Variants in PLXND1 observed in about 807,000 individuals in gnomAD.
PLXND1 encodes plexin-D1.
A neutral mutation model predicts 197.7 loss-of-function variants in PLXND1; 54 were observed. The ratio of observed to expected loss-of-function variants is 0.27; its 90% CI spans 0.22 to 0.34. PLXND1 has a LOEUF of 0.34. Among genes scored for constraint, PLXND1 ranks in the 10% least tolerant of loss-of-function variants. PLXND1 has a pLI of 1.00. For synonymous variants in PLXND1, 1,180 were observed against 1,161.2 expected, an observed-to-expected ratio of 1.02 and a Z score of -0.33; for missense variants, 2,127 against 2,699.2, an observed-to-expected ratio of 0.79 and a Z score of 4.70.
intron 27 of PLXND1, 178 bp downstream of exon 27, chr3:129,562,609 A>T: frequency 1.9e-6 from 1 of 529,748 alleles, no homozygotes; most frequent in Non-Finnish European, 3.2e-6. Flanking sequence ...GTTCACTCAC[A>T]CTGCAGGACT....
chr3:129,586,952 G>A (rs867869477), intron 2 of PLXND1, among the ~76,000 whole-genome samples: 17 of 152,310 alleles, frequency 1.1e-4, no homozygotes, highest in African/African-American at 3.8e-4. Flanking sequence ...AAGGCATCCC[G>A]CCCTGTGAAC....
intron 8 of PLXND1, among the ~76,000 whole-genome samples, chr3:129,581,784 A>C (rs2085391398): frequency 6.6e-6 from 1 of 152,214 alleles, no homozygotes; most frequent in Non-Finnish European, 1.5e-5. Context: ...CCCAGTACTG[A>C]CTAAGGCATA....
chr3:129,566,013 G>A lies in PLXND1; in HGVS notation c.4196C>T (p.Pro1399Leu). The A allele has an allele frequency of 6.2e-7, 1 of 1,614,100 alleles. No homozygotes were observed. The highest frequency in any genetic ancestry group is 2.2e-5 in the East Asian group (1 of 44,884). ...THPLLGEWKI[P>L]ESCRPNMEEG... ...TTCCATGTTGGGCCGGCAGCTCTCA[G>A]GAATCTGTGGAAGCAACTGGTGATG... The change falls in exon 24 of 36, where the codon CCT (proline) becomes CTT (leucine). Residue 1399 changes from proline (P) to leucine (L), a missense_variant. By Grantham distance (98) the Pro-to-Leu change is moderately conservative. This residue lies in a region of PLXND1 where 532 missense variants were observed against 811.0 expected (regional missense o/e 0.66). Transcript: ENST00000324093.
chr3:129,575,770 A>G lies in PLXND1; in HGVS notation c.2432T>C (p.Val811Ala), dbSNP rs1424950896. The change falls in exon 10 of 36, where the codon GTG becomes GCG. Residue 811 changes from valine to alanine, a missense_variant. Physicochemically the swap from Val to Ala is moderately conservative, Grantham distance 64. Transcript: ENST00000324093. ...TGCTGGAGTCACCCCACTCACCACC[A>G]CCTGGTCACAGCGTACAACAGACTC... Reference protein sequence around the residue: ...VNESVVRCDQVVLHTTRKSQV... With the variant: ...VNESVVRCDQAVLHTTRKSQV... 1 of 1,610,838 alleles carries G rather than the reference A, an allele frequency of 6.2e-7. No homozygotes were observed. Among genetic ancestry groups the G allele is most frequent in the South Asian group, 1.1e-5 (1 of 90,966 alleles).
chr3:129,563,540 A>G (rs2085093673), intron 25 of PLXND1, among the ~76,000 whole-genome samples: 1 of 152,246 alleles, frequency 6.6e-6, no homozygotes, highest in South Asian at 2.1e-4. Flanking sequence ...TGACCTGCCC[A>G]AGATCACCCA....
chr3:129,566,216 G>C (rs925903368), intron 23 of PLXND1, 199 bp from the exon 24 acceptor site: 7 of 614,178 alleles, frequency 1.1e-5, no homozygotes, highest in Admixed American at 5.7e-5. Flanking sequence ...GAAGGGTAAG[G>C]GTGCCTGGAG....
chr3:129,558,796 G>T lies in PLXND1; in HGVS notation c.5298-221C>A. ...CTGCTGGAGCAAGGCAGGAGCTACA[G>T]GGCTTAGCTGTACCCCCCAACCCCC... is the stretch of plus-strand genomic sequence containing the variant. On this transcript the variant is annotated intron_variant, in intron 32 of 35. Coordinates refer to ENST00000324093, the MANE Select transcript of PLXND1 (RefSeq NM_015103.3). This position sits in a 1 kb window ranked among gnomAD's most constrained non-coding sequence, Gnocchi z 4.1. 1.9e-6 allele frequency: 1 copy of T among 535,840 alleles called. No homozygotes were observed. Among genetic ancestry groups the T allele is most frequent in the Non-Finnish European group, 3.4e-6 (1 of 297,872 alleles). The allele number at this position is 535,840 out of a possible 1,614,324, so 33.2% of individuals were successfully genotyped here. A position where few individuals can be genotyped will look rare whatever the true frequency, so the allele number is the denominator to read the frequency against.
At chr3:129,598,462 G>A (rs1181529349) in intron 1 of PLXND1, among the ~76,000 whole-genome samples, 1 of 152,082 alleles carries the variant, frequency 6.6e-6, no homozygotes, top group African/African-American at 2.4e-5. Context: ...CCAGAGCTTG[G>A]ACGGGCATGC....
rs1288431822 is a variant in PLXND1, at chr3:129,606,485, C to A, written c.155G>T (p.Arg52Leu). 2.8e-6 allele frequency: 4 copies of A among 1,426,360 alleles called. No homozygotes were observed. The highest frequency in any genetic ancestry group is 3.7e-6 in the Non-Finnish European group (4 of 1,092,792). The allele number at this position is 1,426,360 out of a possible 1,614,324, so 88.4% of individuals were successfully genotyped here. A position where few individuals can be genotyped will look rare whatever the true frequency, so the allele number is the denominator to read the frequency against. The change falls in exon 1 of 36, where the codon CGG becomes CTG. Residue 52 changes from arginine to leucine, a missense_variant. Transcript: ENST00000324093. ...ARAGALEIQR[R>L]FPSPTPTNNF... ...GTTGGTGGGCGTGGGCGAGGGGAAC[C>A]GACGCTGGATCTCCAGGGCGCCGGC...
chr3:129,578,485 G>A (rs1560072078), intron 8 of PLXND1, 52 bp from the exon 9 acceptor site: 5 of 1,143,444 alleles, frequency 4.4e-6, no homozygotes, highest in Non-Finnish European at 6.3e-6. Context: ...CAGAGAAGAG[G>A]CAGGAGGACT....
intron 4 of PLXND1, 45 bp downstream of exon 4, chr3:129,586,127 C>A (rs2085455950): frequency 2.5e-6 from 4 of 1,612,054 alleles, no homozygotes; most frequent in African/African-American, 1.3e-5. Context: ...CTCCTCCCAC[C>A]CCCACAGCCC....
chr3:129,599,353 C>A (rs1047311493), intron 1 of PLXND1, among the ~76,000 whole-genome samples: 2 of 152,220 alleles, frequency 1.3e-5, no homozygotes, highest in Non-Finnish European at 2.9e-5. Context: ...AATGGAGGCT[C>A]CAAGAACGGA....
Position 129,556,187 on chromosome 3 carries a change from C to G in PLXND1, c.*125G>C, listed in dbSNP as rs2084970433. On this transcript the variant is annotated 3_prime_UTR_variant, in exon 36 of 36. Transcript: ENST00000324093. ...TCAGAGAGCAGCCCCTCCTCCTGCC[C>G]CCGCCCCAGCCGTCTCTGCTCAGTA... 1 of 754,062 alleles carries G rather than the reference C, an allele frequency of 1.3e-6. No homozygotes were observed. Among genetic ancestry groups the G allele is most frequent in the Non-Finnish European group, 2.3e-6 (1 of 433,584 alleles). 46.7% of individuals were successfully genotyped at this position (754,062 alleles called of 1,614,324 possible). A position where few individuals can be genotyped will look rare whatever the true frequency, so the allele number is the denominator to read the frequency against.
In PLXND1 at chr3:129,576,078, C is replaced by A. The variant is rs562141572; in HGVS notation, c.2347-223G>T. Among the ~76,000 whole-genome samples, 9 of 152,338 alleles carry A rather than the reference C, an allele frequency of 5.9e-5. No homozygotes were observed. In the East Asian group the frequency reaches 9.7e-4, roughly 16 times the overall value. ...GTGCAGGAATGCCAAGAACTTTGGC[C>A]TCATGCGCTCAGCACCACTAAAAGC... is the stretch of plus-strand genomic sequence containing the variant. On this transcript the variant is annotated intron_variant, in intron 9 of 35. Coordinates refer to ENST00000324093, the MANE Select transcript of PLXND1 (RefSeq NM_015103.3).
At position 129,567,636 on chromosome 3, in the gene PLXND1, C is replaced by A. The variant is rs1464851272; in HGVS notation, c.3974-32G>T. 1.3e-6 allele frequency: 2 copies of A among 1,585,912 alleles called. 1 individual carries two copies. Among genetic ancestry groups the A allele is most frequent in the South Asian group, 2.2e-5 (2 of 90,280 alleles). ...GACACACGGACAGCCGTGAGCGGCC[C>A]GAGAACCCATCCCCTAGGAGGGAAA... On this transcript the variant is annotated intron_variant, in intron 21 of 35. Coordinates refer to ENST00000324093, the MANE Select transcript of PLXND1 (RefSeq NM_015103.3).
At chr3:129,600,374 T>A (rs2085690053) in intron 1 of PLXND1, among the ~76,000 whole-genome samples, 1 of 152,142 alleles carries the variant, frequency 6.6e-6, no homozygotes, top group Admixed American at 6.5e-5. Flanking sequence ...GCACTGCATG[T>A]GAGGTTTTAT....
In PLXND1 at chr3:129,562,751, G is replaced by A. The variant is rs533306790; in HGVS notation, c.4825+36C>T. On this transcript the variant is annotated intron_variant, in intron 27 of 35. Coordinates refer to ENST00000324093, the MANE Select transcript of PLXND1 (RefSeq NM_015103.3). ...GGCAGGGGCCAGCCCCGGCTGAAGC[G>A]CCTGACACGGGGTCTCTGCCCCCAT... The A allele has an allele frequency of 2.0e-4, 309 of 1,568,330 alleles. 3 individuals are homozygous for A. The South Asian group carries it at 3.2e-3, about 16-fold the overall frequency.
intron 15 of PLXND1, 143 bp downstream of exon 15, chr3:129,572,466 G>T (rs1371011695): frequency 6.3e-6 from 4 of 631,540 alleles, no homozygotes; most frequent in Non-Finnish European, 1.0e-5. Context: ...GAGGCTCAGA[G>T]AGGAGAAGGG....
In PLXND1 at chr3:129,573,759, C is replaced by T. The variant is rs2085271346; in HGVS notation, c.2686-14G>A. On this transcript the variant is annotated splice_polypyrimidine_tract_variant and intron_variant, in intron 12 of 35. Coordinates refer to ENST00000324093, the MANE Select transcript of PLXND1 (RefSeq NM_015103.3). ...CAGGGGCTCAATCTGCCAGGTGACC[C>T]GAGAGAGGGGCGAATGGGATCTGAG... The T allele has an allele frequency of 1.9e-6, 3 of 1,611,364 alleles. No individual in the cohort carries two copies. Among genetic ancestry groups the T allele is most frequent in the Non-Finnish European group, 2.5e-6 (3 of 1,179,226 alleles).
Sources: gnomAD v4.1 joint callset for allele counts (sites outside exome capture counted in the v4.1 genomes callset) on GRCh38, gnomAD v4.1.1 for gene constraint, gnomAD v4.1.1 regional missense constraint, Gnocchi (gnomAD v3.1) non-coding constraint, MANE v1.5 for transcripts, NCBI Gene and HGNC (gene_info 2026-07-23, HGNC 2026-07-21) for gene names.